The following ATCAY variants were observed in gnomAD, a reference collection of about 807,000 sequenced individuals.
ATCAY encodes the protein caytaxin.
A neutral mutation model predicts 47.7 loss-of-function variants in ATCAY; 22 were observed. The observed-to-expected ratio is 0.46, with a 90% CI of 0.33 to 0.66. ATCAY has a LOEUF of 0.66. ATCAY is among the 30% of genes least tolerant of loss of function. The pLI is 0.02. For missense variants in ATCAY, 452 were observed against 515.0 expected (o/e 0.88, Z 1.18); for synonymous variants, 216 against 207.6 (o/e 1.04, Z -0.35).
rs1161801349 is a variant in ATCAY, at chr19:3,902,467, G to A, written c.78-20G>A. The A allele has an allele frequency of 2.6e-6, 4 of 1,564,514 alleles. No homozygotes were observed. The highest frequency in any genetic ancestry group is 3.4e-4 in the Middle Eastern group (2 of 5,954). On this transcript the variant is annotated intron_variant, in intron 2 of 12. Coordinates refer to ENST00000450849, the MANE Select transcript of ATCAY (RefSeq NM_033064.5). ...CTCTGGTGCCCGGCGACTGATGCCT[G>A]TTCCTGGATGGGTCCGCAGGCCACT... is the stretch of plus-strand genomic sequence containing the variant.
At chr19:3,908,051 G>A in intron 5 of ATCAY, 132 bp downstream of exon 5, 1 of 1,267,520 alleles carries the variant, frequency 7.9e-7, no homozygotes, top group Non-Finnish European at 1.1e-6. Flanking sequence ...CGGACTGTGG[G>A]CAAGGCGTGC....
chr19:3,920,997 G>A (rs1365616544), intron 12 of ATCAY, among the ~76,000 whole-genome samples, 199 bp downstream of exon 12: 1 of 152,096 alleles, frequency 6.6e-6, no homozygotes, highest in Non-Finnish European at 1.5e-5. Context: ...CAGGGAGGTA[G>A]TGGTTCCCTT....
chr19:3,882,441 C>G (rs1236233802), intron 1 of ATCAY, among the ~76,000 whole-genome samples: 4 of 151,926 alleles, frequency 2.6e-5, no homozygotes, highest in Non-Finnish European at 4.4e-5. Context: ...CTTCAGCCTC[C>G]TGAATAGCTG....
Position 3,891,150 on chromosome 19 carries a change from C to T in ATCAY, c.77+5306C>T, listed in dbSNP as rs113114176. Among the ~76,000 whole-genome samples, 1,297 of 151,604 alleles carry T rather than the reference C, an allele frequency of 8.6e-3. 19 individuals are homozygous for T. Among genetic ancestry groups the T allele is most frequent in the African/African-American group, 0.03 (1,222 of 41,336 alleles). Reference sequence around the variant, plus strand: ...CACTGCAACCTCCACTTCCTGGTTTCGAGCAATTCTCTTGCCTCAGCCTCC... The same window carrying T: ...CACTGCAACCTCCACTTCCTGGTTTTGAGCAATTCTCTTGCCTCAGCCTCC... On this transcript the variant is annotated intron_variant, in intron 2 of 12. Coordinates refer to ENST00000450849, the MANE Select transcript of ATCAY (RefSeq NM_033064.5).
rs113861636 is a variant in ATCAY, at chr19:3,884,286, C to CTAAATAAA, written c.-41-1424_-41-1417dup. On this transcript the variant is annotated intron_variant, in intron 1 of 12. Coordinates refer to ENST00000450849, the MANE Select transcript of ATCAY (RefSeq NM_033064.5). ...TGGGCGACAGAGCAAGACCCCGTCT[C>CTAAATAAA]TAAATAAATAAATAAATAAATAAAG... 1.0e-2 allele frequency among the ~76,000 whole-genome samples: 1,515 copies of CTAAATAAA among 151,584 alleles called. 22 individuals are homozygous for CTAAATAAA. Among genetic ancestry groups the CTAAATAAA allele is most frequent in the East Asian group, 0.049 (253 of 5,142 alleles).
intron 2 of ATCAY, among the ~76,000 whole-genome samples, chr19:3,891,168 C>T (rs1448137060): frequency 3.3e-5 from 5 of 151,966 alleles, no homozygotes; most frequent in African/African-American, 1.2e-4. Context: ...TCTCTTGCCT[C>T]AGCCTCCCAA....
At chr19:3,915,615 G>A (rs1227533384) in intron 9 of ATCAY, among the ~76,000 whole-genome samples, 8 of 145,248 alleles carry the variant, frequency 5.5e-5, no homozygotes, top group East Asian at 2.1e-4. Context: ...GCAGTGGCAC[G>A]ATCTCGGGTC....
At position 3,908,252 on chromosome 19, in the gene ATCAY, G is replaced by A. The variant is rs775581428; in HGVS notation, c.545-16G>A. On this transcript the variant is annotated splice_polypyrimidine_tract_variant and intron_variant, in intron 5 of 12. Transcript: ENST00000450849. ...GGAGAGGACTCTGACGTTGCCGATC[G>A]GCTGCCTCTCCTCAGGGTACTACGG... is the stretch of plus-strand genomic sequence containing the variant. The A allele has an allele frequency of 5.3e-5, 82 of 1,560,430 alleles. 1 individual carries two copies. The highest frequency in any genetic ancestry group is 6.1e-5 in the Non-Finnish European group (70 of 1,151,542).
In ATCAY at chr19:3,903,804, C is replaced by T. The variant is rs970181908; in HGVS notation, c.136+1259C>T. 4.0e-5 allele frequency among the ~76,000 whole-genome samples: 6 copies of T among 149,262 alleles called. No individual in the cohort carries two copies. The South Asian group carries it at 8.8e-4, about 22-fold the overall frequency. On this transcript the variant is annotated intron_variant, in intron 3 of 12. Transcript: ENST00000450849. ...CCTCCCAAAGTGTTGGGATTACGGG[C>T]GTGAGCCACTGCACCCGGCCGCCTG...
Position 3,920,310 on chromosome 19 carries a change from C to T in ATCAY, c.1074-456C>T, listed in dbSNP as rs187613385. On this transcript the variant is annotated intron_variant, in intron 11 of 12. Coordinates refer to ENST00000450849, the MANE Select transcript of ATCAY (RefSeq NM_033064.5). ...AGTGAGCCATGATTGCACCACTGCC[C>T]TCCAGCCTGGGCAACATAACAAGAC... The T allele has an allele frequency of 5.3e-3, 799 of 150,436 alleles. 6 individuals carry two copies. Among genetic ancestry groups the T allele is most frequent in the African/African-American group, 0.019 (778 of 41,072 alleles). 9.3% of individuals were successfully genotyped at this position (150,436 alleles called of 1,614,324 possible).
At chr19:3,915,391 G>A (rs968496327) in intron 9 of ATCAY, among the ~76,000 whole-genome samples, 30 of 146,592 alleles carry the variant, frequency 2.0e-4, no homozygotes, top group African/African-American at 7.3e-4. Flanking sequence ...CTCCATGTTC[G>A]TCAAGCTGGT....
intron 5 of ATCAY, 126 bp from the exon 6 acceptor site, chr19:3,908,142 G>A (rs989823541): frequency 1.3e-4 from 133 of 1,036,230 alleles, no homozygotes; most frequent in Admixed American, 1.5e-4. Context: ...AGGGGTCGCC[G>A]GCTGCTGTGG....
intron 2 of ATCAY, among the ~76,000 whole-genome samples, chr19:3,890,355 C>T (rs991274359): frequency 6.8e-5 from 10 of 147,324 alleles, no homozygotes; most frequent in African/African-American, 2.0e-4. Context: ...CTCCACCTCC[C>T]GGGTTCAAGC....
intron 2 of ATCAY, among the ~76,000 whole-genome samples, chr19:3,895,716 CTTTTTTTTTTTT>C (rs537910730): frequency 7.7e-6 from 1 of 129,670 alleles, no homozygotes; most frequent in South Asian, 2.5e-4. Context: ...CTTTTCTTTT[CTTTTTTTTTTTT>C]TTTTTTGATA....
At chr19:3,911,834 C>A (rs1036087393) in intron 8 of ATCAY, among the ~76,000 whole-genome samples, 2 of 152,116 alleles carry the variant, frequency 1.3e-5, no homozygotes, top group African/African-American at 4.8e-5. Flanking sequence ...TTCCCTTGAA[C>A]AACAGGACAC....
chr19:3,894,643 A>C (rs899392205), intron 2 of ATCAY, among the ~76,000 whole-genome samples: 1 of 150,576 alleles, frequency 6.6e-6, no homozygotes, highest in Admixed American at 6.7e-5. Flanking sequence ...AAAAAAAAAA[A>C]AAACTGTAAA....
chr19:3,901,719 G>T (rs868110189), intron 2 of ATCAY, among the ~76,000 whole-genome samples: 1 of 152,146 alleles, frequency 6.6e-6, no homozygotes, highest in African/African-American at 2.4e-5. Context: ...CATGCTGGGC[G>T]GGCGCGGTGG....
intron 8 of ATCAY, among the ~76,000 whole-genome samples, chr19:3,911,482 C>G (rs1599143214): frequency 6.6e-6 from 1 of 151,922 alleles, no homozygotes; most frequent in Admixed American, 6.6e-5. Flanking sequence ...TATGATCACT[C>G]CACTGCACTC....
chr19:3,887,979 G>A (rs990646298), intron 2 of ATCAY, among the ~76,000 whole-genome samples: 1 of 151,846 alleles, frequency 6.6e-6, no homozygotes, highest in African/African-American at 2.4e-5. Context: ...GCTGGGCATG[G>A]TGGTGCACGC....
Sources: allele counts gnomAD v4.1 joint callset (sites outside exome capture counted in the v4.1 genomes callset), GRCh38; gene constraint gnomAD v4.1.1; transcripts MANE v1.5; gene names NCBI Gene and HGNC (gene_info 2026-07-23, HGNC 2026-07-21).